Variants in SCEL observed in about 807,000 individuals in gnomAD.
SCEL encodes the protein sciellin.
In SCEL, 113 loss-of-function variants were observed where a neutral mutation model predicts 117.6. The ratio of observed to expected loss-of-function variants is 0.96; its 90% CI spans 0.83 to 1.12. The LOEUF is 1.12. SCEL is among the 50% of genes most tolerant of loss of function. SCEL has a pLI of 0.00. For synonymous variants in SCEL, 270 were observed against 256.2 expected, an observed-to-expected ratio of 1.05 and a Z score of -0.51; for missense variants, 785 against 810.8, an observed-to-expected ratio of 0.97 and a Z score of 0.39.
chr13:77,573,221 A>C (rs905312482), intron 9 of SCEL, among the ~76,000 whole-genome samples: 2 of 152,146 alleles, frequency 1.3e-5, no homozygotes, highest in Non-Finnish European at 2.9e-5. Flanking sequence ...CAGTGAACAA[A>C]ACATGGAGCC....
intron 15 of SCEL, among the ~76,000 whole-genome samples, chr13:77,600,574 T>C (rs2087599754): frequency 6.6e-6 from 1 of 152,150 alleles, no homozygotes; most frequent in South Asian, 2.1e-4. Flanking sequence ...ATAAAATGGG[T>C]TAATTGATGA....
intron 9 of SCEL, among the ~76,000 whole-genome samples, chr13:77,586,692 A>G (rs1247371193): frequency 2.6e-5 from 4 of 152,212 alleles, no homozygotes; most frequent in Non-Finnish European, 5.9e-5. Flanking sequence ...ACCTGATTTT[A>G]AGCCCATGAG....
chr13:77,598,996 T>G (rs1392873520), intron 13 of SCEL, among the ~76,000 whole-genome samples: 3 of 152,172 alleles, frequency 2.0e-5, no homozygotes. Flanking sequence ...AATTCAGGTT[T>G]CTGTGTGTCC....
chr13:77,610,546 G>A (rs2088578719), intron 22 of SCEL, among the ~76,000 whole-genome samples: 1 of 151,978 alleles, frequency 6.6e-6, no homozygotes, highest in Non-Finnish European at 1.5e-5. Flanking sequence ...GAAATCTAGT[G>A]TTCAAGCACT....
At chr13:77,627,220 CT>C (rs1221219511) in intron 27 of SCEL, among the ~76,000 whole-genome samples, 1 of 152,144 alleles carries the variant, frequency 6.6e-6, no homozygotes, top group Non-Finnish European at 1.5e-5. Flanking sequence ...CAAATCTTGA[CT>C]CTTCCAAAAA....
chr13:77,554,471 C>T (rs74563298), intron 1 of SCEL, among the ~76,000 whole-genome samples: 3,775 of 152,186 alleles, frequency 0.025, 157 homozygotes, highest in East Asian at 0.13. Context: ...GAAAATAATA[C>T]GTTGACCCAA....
At chr13:77,616,306 G>C (rs2089035164) in intron 24 of SCEL, among the ~76,000 whole-genome samples, 1 of 151,672 alleles carries the variant, frequency 6.6e-6, no homozygotes, top group Non-Finnish European at 1.5e-5. Context: ...TGTGGCTTTT[G>C]AGCATACTGT....
chr13:77,609,731 G>T (rs558219449), intron 21 of SCEL, among the ~76,000 whole-genome samples: 1 of 152,134 alleles, frequency 6.6e-6, no homozygotes, highest in Non-Finnish European at 1.5e-5. Context: ...TATGAAACTG[G>T]AATAATAATA....
At chr13:77,633,441 T>TCAAAAAACAAAAACAAAAACAAAAA (rs2090123848) in intron 28 of SCEL, among the ~76,000 whole-genome samples, 1 of 23,582 alleles carries the variant, frequency 4.2e-5, no homozygotes, top group Non-Finnish European at 6.8e-5. Context: ...AGACTCCGCC[T>TCAAAAAACAAAAACAAAAACAAAAA]CAAAAAAAAA....
chr13:77,617,085 T>A (rs1226201550), intron 24 of SCEL, among the ~76,000 whole-genome samples: 1 of 152,162 alleles, frequency 6.6e-6, no homozygotes, highest in Non-Finnish European at 1.5e-5. Context: ...TTTCAGAGTA[T>A]GTAACTCATT....
chr13:77,624,678 G>A (rs1324086353), intron 27 of SCEL, among the ~76,000 whole-genome samples: 1 of 152,188 alleles, frequency 6.6e-6, no homozygotes, highest in Non-Finnish European at 1.5e-5. Flanking sequence ...TATGCATTCA[G>A]GGGTGAAGTA....
rs1347863705 is a variant in SCEL, at chr13:77,634,387, C to T, written c.1700C>T (p.Thr567Ile). Residue 567 changes from threonine (T) to isoleucine (I), a missense_variant, in exon 29 of 33, where the codon ACT (threonine) becomes ATT (isoleucine). Transcript: ENST00000349847. ...AATGATTTGTTTTGCAGCTCTAACACTGGAGCCAAGCAGGCAGGACCACAG... is the reference window on the plus strand; with the variant it reads ...AATGATTTGTTTTGCAGCTCTAACATTGGAGCCAAGCAGGCAGGACCACAG... ...VSENKNGSSN[T>I]GAKQAGPQDT... 6.2e-7 allele frequency: 1 copy of T among 1,613,024 alleles called. No homozygotes were observed.
At chr13:77,563,360 G>A (rs1413228642) in intron 4 of SCEL, among the ~76,000 whole-genome samples, 1 of 151,494 alleles carries the variant, frequency 6.6e-6, no homozygotes, top group Non-Finnish European at 1.5e-5. Flanking sequence ...CCTGTCCACG[G>A]TGCTGAATAT....
At chr13:77,572,457 G>C (rs1451930402) in intron 9 of SCEL, among the ~76,000 whole-genome samples, 2 of 152,152 alleles carry the variant, frequency 1.3e-5, no homozygotes, top group Non-Finnish European at 2.9e-5. Context: ...CCACAAACTG[G>C]GTGCCACAGA....
At chr13:77,553,517 C>G (rs1017034762) in intron 1 of SCEL, among the ~76,000 whole-genome samples, 6 of 152,138 alleles carry the variant, frequency 3.9e-5, no homozygotes, top group Admixed American at 3.9e-4. Context: ...CAGACAGAGG[C>G]AAAATAGTCA....
chr13:77,638,211 A>G (rs896398932), intron 30 of SCEL, among the ~76,000 whole-genome samples: 1 of 152,224 alleles, frequency 6.6e-6, no homozygotes. Context: ...TAAGGGAAAC[A>G]TGGGTGAACC....
chr13:77,537,007 A>G (rs142763238), intron 1 of SCEL, among the ~76,000 whole-genome samples: 93 of 152,360 alleles, frequency 6.1e-4, no homozygotes, highest in African/African-American at 2.1e-3. Flanking sequence ...TCACTTCCAT[A>G]GTTTATAACG....
chr13:77,600,330 T>C (rs768982929), intron 15 of SCEL, among the ~76,000 whole-genome samples: 4 of 151,964 alleles, frequency 2.6e-5, no homozygotes, highest in Non-Finnish European at 5.9e-5. Flanking sequence ...TGTTTTACCA[T>C]GTTGGCCAGG....
chr13:77,616,385 T>G (rs1235471141), intron 24 of SCEL, among the ~76,000 whole-genome samples: 2 of 152,130 alleles, frequency 1.3e-5, no homozygotes, highest in Non-Finnish European at 2.9e-5. Flanking sequence ...TTAAAGACTG[T>G]TGTCTTTCTG....
Sources: gnomAD v4.1 joint callset for allele counts (sites outside exome capture counted in the v4.1 genomes callset) on GRCh38, gnomAD v4.1.1 for gene constraint, MANE v1.5 for transcripts, NCBI Gene and HGNC (gene_info 2026-07-23, HGNC 2026-07-21) for gene names.